GORAB: variants seen among roughly 807,000 people sequenced by gnomAD.
The protein encoded by GORAB is golgin, RAB6 interacting.
GORAB carries 17 observed loss-of-function variants against 29.9 expected under a neutral mutation model. That is an observed-to-expected ratio of 0.57 (90% CI 0.39 to 0.85). The LOEUF (loss-of-function observed/expected upper bound fraction) is 0.85. Ranked by LOEUF, GORAB falls within the 40% of genes least tolerant of loss-of-function variation. The probability of loss-of-function intolerance (pLI) is 0.00; values close to 1 mark genes in which losing one functional copy is unlikely to be tolerated. For missense variants in GORAB, 442 were observed against 437.8 expected (o/e 1.01, Z -0.09); for synonymous variants, 183 against 157.2 (o/e 1.16, Z -1.23).
intron 3 of GORAB, among the ~76,000 whole-genome samples, chr1:170,543,456 T>A (rs1028077569): frequency 2.0e-5 from 3 of 152,162 alleles, no homozygotes; most frequent in African/African-American, 7.2e-5. Context: ...GTGATGGGTA[T>A]AAGAGTAGTT....
chr1:170,551,973 A>G (rs749437920), intron 4 of GORAB, 42 bp from the exon 5 acceptor site: 17 of 1,541,348 alleles, frequency 1.1e-5, no homozygotes, highest in Non-Finnish European at 1.5e-5. Context: ...TATCTTCTTC[A>G]ATGGAAAACT....
chr1:170,536,916 T>C (rs1259640057), intron 1 of GORAB, among the ~76,000 whole-genome samples: 1 of 152,140 alleles, frequency 6.6e-6, no homozygotes, highest in Non-Finnish European at 1.5e-5. Flanking sequence ...ATAATCAACA[T>C]ATGATTCAAA....
chr1:170,544,548 C>A, intron 3 of GORAB, 157 bp from the exon 4 acceptor site: 7 of 538,812 alleles, frequency 1.3e-5, no homozygotes, highest in South Asian at 3.6e-5. Context: ...AAATGTTAAC[C>A]AGCTTTTACT....
chr1:170,546,821 C>T (rs1017302753), intron 4 of GORAB, among the ~76,000 whole-genome samples: 1 of 152,036 alleles, frequency 6.6e-6, no homozygotes, highest in Non-Finnish European at 1.5e-5. Context: ...AGTAGCCCAA[C>T]TATAGGTGCC....
intron 1 of GORAB, chr1:170,533,595 A>G (rs1223217289): frequency 6.6e-6 from 3 of 454,178 alleles, no homozygotes; most frequent in Admixed American, 2.4e-5. Context: ...CGGGGATTGG[A>G]TGGAGCTTGG....
In GORAB at chr1:170,552,369, T is replaced by A; in HGVS notation, c.1017T>A (p.Asp339Glu). Residue 339 changes from aspartate (D) to glutamate (E), a missense_variant, in exon 5 of 5, where the codon GAT becomes GAA. By Grantham distance (45) the Asp-to-Glu change is conservative. Transcript: ENST00000367763. Reference protein sequence around the residue: ...CQEQAVSPKVDDQCGNSSSIP... With the variant: ...CQEQAVSPKVEDQCGNSSSIP... The stretch of plus-strand genomic sequence containing the variant: ...AACAAGCTGTTTCCCCAAAGGTAGA[T>A]GACCAGTGTGGAAATTCCAGTAGCA... The A allele has an allele frequency of 6.2e-7, 1 of 1,614,122 alleles. No individual in the cohort carries two copies.
chr1:170,544,072 G>A (rs746309555), intron 3 of GORAB, among the ~76,000 whole-genome samples: 1 of 152,124 alleles, frequency 6.6e-6, no homozygotes, highest in Non-Finnish European at 1.5e-5. Context: ...AGTATATATT[G>A]TACTTGGGAG....
At chr1:170,535,536 A>G (rs758792812) in intron 1 of GORAB, among the ~76,000 whole-genome samples, 85 of 152,160 alleles carry the variant, frequency 5.6e-4, no homozygotes, top group Non-Finnish European at 9.9e-4. Context: ...TATCTTTTTG[A>G]TGAACAAAGT....
intron 2 of GORAB, among the ~76,000 whole-genome samples, chr1:170,541,310 G>A (rs1649409169): frequency 6.6e-6 from 1 of 151,978 alleles, no homozygotes. Flanking sequence ...GGAAGCAGGG[G>A]ATGCCTTCCT....
intron 2 of GORAB, among the ~76,000 whole-genome samples, chr1:170,539,952 G>A (rs1649309151): frequency 6.6e-6 from 1 of 150,710 alleles, no homozygotes; most frequent in Non-Finnish European, 1.5e-5. Context: ...AGCAGAAGCA[G>A]TTCTTTTTTT....
rs112824790 is a variant in GORAB, at chr1:170,540,469, A to G, written c.419+902A>G. ...TCTTTTTTTTTTTCTAATCTCTGAC[A>G]TCTTTTTAATCTCTGCTGATCCAGA... On this transcript the variant is annotated intron_variant, in intron 2 of 4. Transcript: ENST00000367763. Among the ~76,000 whole-genome samples, 19 of 150,856 alleles carry G rather than the reference A, an allele frequency of 1.3e-4. 1 individual carries two copies. The South Asian group carries it at 1.9e-3, about 15-fold the overall frequency.
Position 170,545,272 on chromosome 1 carries a change from T to C in GORAB, c.662+427T>C, listed in dbSNP as rs916823867. The C allele has an allele frequency of 2.2e-5, 22 of 986,248 alleles. No individual in the cohort carries two copies. In the African/African-American group the frequency reaches 3.5e-4, roughly 16 times the overall value. The allele number at this position is 986,248 out of a possible 1,614,324, so 61.1% of individuals were successfully genotyped here. A position where few individuals can be genotyped will look rare whatever the true frequency, so the allele number is the denominator to read the frequency against. On this transcript the variant is annotated intron_variant, in intron 4 of 4. Transcript: ENST00000367763. ...ATAGTCCTATAGGATTGAAGTCTAG[T>C]CCTCACTTTAGCTTTCATCAGAGTA...
rs1259691187 is a variant in GORAB, at chr1:170,553,543, T to C, written c.*1081T>C. On this transcript the variant is annotated 3_prime_UTR_variant, in exon 5 of 5. Coordinates refer to ENST00000367763, the MANE Select transcript of GORAB (RefSeq NM_152281.3). The stretch of plus-strand genomic sequence containing the variant: ...TTTTTTTTTAAAAAAAGAATTATTA[T>C]CAGAGAACATAAGCACAAGTATAAG... The C allele has an allele frequency of 6.9e-6, 3 of 433,198 alleles. No homozygotes were observed. Among genetic ancestry groups the C allele is most frequent in the Non-Finnish European group, 1.4e-5 (3 of 221,560 alleles). The allele number at this position is 433,198 out of a possible 1,614,324, so 26.8% of individuals were successfully genotyped here. A position where few individuals can be genotyped will look rare whatever the true frequency, so the allele number is the denominator to read the frequency against.
In GORAB at chr1:170,553,525, T is replaced by A. The variant is rs577629045; in HGVS notation, c.*1063T>A. 1.3e-3 allele frequency: 542 copies of A among 427,736 alleles called. 1 individual carries two copies. Among genetic ancestry groups the A allele is most frequent in the Non-Finnish European group, 1.6e-3 (345 of 219,926 alleles). The allele number at this position is 427,736 out of a possible 1,614,324, so 26.5% of individuals were successfully genotyped here. Reference sequence around the variant, plus strand: ...TATTACCTTTGAGGACTTTTTTTTTTTAAAAAAAGAATTATTATCAGAGAA... The same window carrying A: ...TATTACCTTTGAGGACTTTTTTTTTATAAAAAAAGAATTATTATCAGAGAA... On this transcript the variant is annotated 3_prime_UTR_variant, in exon 5 of 5. Transcript: ENST00000367763.
intron 4 of GORAB, among the ~76,000 whole-genome samples, chr1:170,547,221 TC>T: frequency 6.6e-6 from 1 of 152,178 alleles, no homozygotes; most frequent in Non-Finnish European, 1.5e-5. Flanking sequence ...CCTTGTTTTT[TC>T]TTTTTTTAAT....
rs886045554 is a variant in GORAB at position 170,552,811 on chromosome 1, G to A, written c.*349G>A. Reference sequence around the variant, plus strand: ...AATGGAAAATGATACTCAATACCTAGTTAAACTCATTTCACTTCTCCTGGG... The same window carrying A: ...AATGGAAAATGATACTCAATACCTAATTAAACTCATTTCACTTCTCCTGGG... On this transcript the variant is annotated 3_prime_UTR_variant, in exon 5 of 5. Transcript: ENST00000367763. 2.2e-6 allele frequency: 1 copy of A among 456,904 alleles called. No homozygotes were observed. The highest frequency in any genetic ancestry group is 4.4e-6 in the Non-Finnish European group (1 of 228,870). 28.3% of individuals were successfully genotyped at this position (456,904 alleles called of 1,614,324 possible).
At position 170,539,505 on chromosome 1, in the gene GORAB, C is replaced by T; in HGVS notation, c.357C>T (p.His119=). 6.2e-7 allele frequency: 1 copy of T among 1,614,048 alleles called. No homozygotes were observed. The highest frequency in any genetic ancestry group is 8.5e-7 in the Non-Finnish European group (1 of 1,179,960). ...ELGLENSHDG[H]NNVEILPPKP... is the part of the protein sequence containing the mutation. ...GACTTGAGAATTCCCATGATGGTCA[C>T]AACAATGTTGAGATTCTACCTCCAA... is the stretch of plus-strand genomic sequence containing the variant. Residue 119 remains histidine (H), a synonymous_variant, in exon 2 of 5, where the codon CAC becomes CAT. Transcript: ENST00000367763.
intron 4 of GORAB, chr1:170,545,873 T>C: frequency 2.7e-6 from 1 of 367,048 alleles, no homozygotes; most frequent in Non-Finnish European, 3.8e-6. Flanking sequence ...ATTAATTAAC[T>C]ACTTAAAAGA....
chr1:170,538,783 C>A (rs1371210744), intron 1 of GORAB, among the ~76,000 whole-genome samples: 1 of 152,148 alleles, frequency 6.6e-6, no homozygotes, highest in Non-Finnish European at 1.5e-5. Flanking sequence ...AGAGGGTAAT[C>A]CCATTTGAAA....
Sources: gnomAD v4.1 joint callset for allele counts (sites outside exome capture counted in the v4.1 genomes callset) on GRCh38, gnomAD v4.1.1 for gene constraint, MANE v1.5 for transcripts, NCBI Gene and HGNC (gene_info 2026-07-23, HGNC 2026-07-21) for gene names.